Variants in TRPM5 observed in about 807,000 individuals in gnomAD.
TRPM5 encodes MLSN1 and TRP-related.
Under a neutral mutation model 124.9 loss-of-function variants are expected in TRPM5, and 121 were observed. The observed-to-expected ratio is 0.97, with a 90% CI of 0.84 to 1.13. The LOEUF (loss-of-function observed/expected upper bound fraction) is 1.13, where lower values mean the gene tolerates loss of function less well. Among genes scored for constraint, TRPM5 ranks in the 50% most tolerant of loss-of-function variants. TRPM5 has a pLI of 0.00. For synonymous variants in TRPM5, 781 were observed against 700.5 expected, an observed-to-expected ratio of 1.11 and a Z score of -1.81; for missense variants, 1,643 against 1,589.1, an observed-to-expected ratio of 1.03 and a Z score of -0.58.
At chr11:2,433,764 C>G in the TRPM5 span, among the ~76,000 whole-genome samples, 1 of 152,172 alleles carries the variant, frequency 6.6e-6, no homozygotes, top group Non-Finnish European at 1.5e-5. Flanking sequence ...TGTCACTGTG[C>G]GCACATGGTG....
the TRPM5 span, among the ~76,000 whole-genome samples, chr11:2,439,610 T>G: frequency 6.6e-6 from 1 of 152,202 alleles, no homozygotes; most frequent in East Asian, 1.9e-4. Flanking sequence ...GAAATGCAAA[T>G]CAAAACCATA....
rs201076211 is a variant in TRPM5, at chr11:2,422,928, G to A, written c.109C>T (p.Arg37Ter). 1.8e-5 allele frequency: 29 copies of A among 1,613,150 alleles called. No homozygotes were observed. The highest frequency in any genetic ancestry group is 1.3e-4 in the East Asian group (6 of 44,860). Residue 37 changes from arginine to a stop codon, truncating the protein, a stop_gained, in exon 1 of 24, where the codon CGA becomes TGA. Coordinates refer to ENST00000155858, the Ensembl canonical transcript of TRPM5. LOFTEE classifies it high-confidence loss of function. ...CTGGGGCCTGCCCTTACCTTGCCTC[G>A]CTTCTTCCCAGACCCTCCAAAGTTG...
chr11:2,407,088 C>G (rs762497716), intron 20 of TRPM5, 31 bp downstream of exon 25: 1 of 1,039,592 alleles, frequency 9.6e-7, no homozygotes, highest in African/African-American at 1.5e-5. Context: ...CTCGGCCTCA[C>G]CCAGGTGCTC....
rs769908368 is a variant in TRPM5, at chr11:2,412,288, C to T, written c.2356-35G>A. ...AGGTGGGCAGTCCACTGACAGCTGT[C>T]CAGCCGCCCTCGCTGGGGACAGCCC... On this transcript the variant is annotated intron_variant, in intron 15 of 23. Coordinates refer to ENST00000155858, the Ensembl canonical transcript of TRPM5. 3.3e-6 allele frequency: 5 copies of T among 1,536,796 alleles called. No homozygotes were observed. The African/African-American group carries it at 5.4e-5, about 17-fold the overall frequency.
chr11:2,420,532 C>G (rs1167855554), intron 3 of TRPM5, 127 bp from the exon 9 acceptor site: 2 of 948,440 alleles, frequency 2.1e-6, no homozygotes, highest in African/African-American at 3.3e-5. Flanking sequence ...TCTGCCCGAG[C>G]CTTGGTTTCC....
upstream of TRPM5, among the ~76,000 whole-genome samples, chr11:2,423,273 A>G (rs1845797969): frequency 6.6e-6 from 1 of 152,076 alleles, no homozygotes; most frequent in Non-Finnish European, 1.5e-5. Context: ...CACCGCCCCA[A>G]CCAAGCTCCT....
intron 4 of TRPM5, 107 bp from the exon 10 acceptor site, chr11:2,418,698 G>T (rs759161433): frequency 9.4e-6 from 11 of 1,173,022 alleles, no homozygotes; most frequent in Non-Finnish European, 1.3e-5. Context: ...TGGCTCTTCC[G>T]AATAAAGTGT....
At position 2,405,516 on chromosome 11, in the gene TRPM5, A is replaced by G; in HGVS notation, c.3391+11T>C. On this transcript the variant is annotated intron_variant, in intron 23 of 23. Transcript: ENST00000155858. ...GCCCACCCTCATCCCACGCTCCCCA[A>G]ACAGGCTTACTCCGGGGGCCGCCAC... 10 of 1,555,214 alleles carry G rather than the reference A, an allele frequency of 6.4e-6. No individual in the cohort carries two copies. Among genetic ancestry groups the G allele is most frequent in the Non-Finnish European group, 8.7e-6 (10 of 1,149,338 alleles).
rs1845756183 is a variant in TRPM5, at chr11:2,420,485, G to A, written c.466-80C>T. 4 of 1,445,170 alleles carry A rather than the reference G, an allele frequency of 2.8e-6. No individual in the cohort carries two copies. The Admixed American group carries it at 6.3e-5, about 23-fold the overall frequency. The allele number at this position is 1,445,170 out of a possible 1,614,324, so 89.5% of individuals were successfully genotyped here. On this transcript the variant is annotated intron_variant, in intron 3 of 23. Transcript: ENST00000155858. ...CCCGCTGCGGGATCCTCCCTGCCAG[G>A]CCGTGCACACCACGCCATGGGGCCC...
chr11:2,406,657 G>T lies in TRPM5; in HGVS notation c.3251+4C>A, dbSNP rs184197578. 563 of 1,605,256 alleles carry T rather than the reference G, an allele frequency of 3.5e-4. 10 individuals carry two copies. The East Asian group carries it at 0.012, about 35-fold the overall frequency. ...CCACCAGTGATCAGGACAGGCCCCC[G>T]CACCTGTGGGCGGTTTTCCGCAGCA... On this transcript the variant is annotated splice_donor_region_variant and intron_variant, in intron 21 of 23. Coordinates refer to ENST00000155858, the Ensembl canonical transcript of TRPM5.
upstream of TRPM5, among the ~76,000 whole-genome samples, chr11:2,424,042 G>A (rs1845812258): frequency 2.6e-5 from 4 of 152,206 alleles, no homozygotes; most frequent in Admixed American, 2.0e-4. Context: ...GTCACAGGCC[G>A]CTGGGCAGAG....
intron 18 of TRPM5, chr11:2,410,528 C>T (rs1340310065): frequency 3.7e-5 from 11 of 295,036 alleles, no homozygotes; most frequent in African/African-American, 9.1e-5. Context: ...CAGAGGGGTG[C>T]GTCCCTTTCC....
chr11:2,406,554 CT>C, intron 21 of TRPM5, 106 bp downstream of exon 26: 1 of 1,444,182 alleles, frequency 6.9e-7, no homozygotes, highest in Non-Finnish European at 9.4e-7. Context: ...GCCCCTACCC[CT>C]TCAGCTTCAG....
intron 18 of TRPM5, among the ~76,000 whole-genome samples, chr11:2,408,932 G>A (rs772551678): frequency 2.0e-4 from 30 of 152,238 alleles, no homozygotes; most frequent in Non-Finnish European, 4.0e-4. Context: ...GTGAGTCTGC[G>A]TGTGAGCACA....
the TRPM5 span, among the ~76,000 whole-genome samples, chr11:2,433,230 T>C: frequency 1.2e-4 from 18 of 152,222 alleles, no homozygotes; most frequent in East Asian, 1.5e-3. Flanking sequence ...AATGCCGCCA[T>C]GAGGCAAGGC....
Position 2,405,046 on chromosome 11 carries a change from G to C in TRPM5, c.3392-3C>G. 6.2e-7 allele frequency: 1 copy of C among 1,611,420 alleles called. No individual in the cohort carries two copies. Among genetic ancestry groups the C allele is most frequent in the Non-Finnish European group, 8.5e-7 (1 of 1,179,074 alleles). ...TCCCTCGCCACAGTGCTGAGAGCCTGCTGGGAAGGAAGGCCCCCCTGAGCG... is the reference window on the plus strand; with the variant it reads ...TCCCTCGCCACAGTGCTGAGAGCCTCCTGGGAAGGAAGGCCCCCCTGAGCG... On this transcript the variant is annotated splice_polypyrimidine_tract_variant and splice_region_variant and intron_variant, in intron 23 of 23. Transcript: ENST00000155858.
the TRPM5 span, among the ~76,000 whole-genome samples, chr11:2,431,408 C>G: frequency 1.3e-5 from 2 of 152,122 alleles, no homozygotes; most frequent in African/African-American, 4.8e-5. Flanking sequence ...CTGCCAGTGT[C>G]TGTGGTATGT....
At chr11:2,432,270 C>T in the TRPM5 span, among the ~76,000 whole-genome samples, 1 of 152,252 alleles carries the variant, frequency 6.6e-6, no homozygotes, top group Non-Finnish European at 1.5e-5. Flanking sequence ...GGGTTTCCTC[C>T]AGCGGCCTCT....
At chr11:2,443,033 C>T in the TRPM5 span, among the ~76,000 whole-genome samples, 1 of 152,134 alleles carries the variant, frequency 6.6e-6, no homozygotes, top group East Asian at 1.9e-4. The surrounding 1 kb of genome is among the most constrained non-coding windows in gnomAD (Gnocchi z 5.0). Context: ...GCTAATGGTG[C>T]TTCTATTTTA....
Sources: allele counts gnomAD v4.1 joint callset (sites outside exome capture counted in the v4.1 genomes callset), GRCh38; gene constraint gnomAD v4.1.1; non-coding constraint Gnocchi (gnomAD v3.1); transcripts MANE v1.5; gene names NCBI Gene and HGNC (gene_info 2026-07-23, HGNC 2026-07-21).